The following MS4A13 variants were observed in gnomAD, a reference collection of about 807,000 sequenced individuals.
MS4A13 encodes the protein membrane spanning 4-domains A13.
In MS4A13, 21 loss-of-function variants were observed where a neutral mutation model predicts 18.4. The observed-to-expected ratio is 1.14, with a 90% CI of 0.81 to 1.64. The LOEUF (loss-of-function observed/expected upper bound fraction) is 1.64, where lower values mean the gene tolerates loss of function less well. Ranked by LOEUF, MS4A13 falls within the 40% of genes most tolerant of loss-of-function variation. The pLI is 0.00. For missense variants in MS4A13, 173 were observed against 176.8 expected, an observed-to-expected ratio of 0.98 and a Z score of 0.12; for synonymous variants, 62 against 57.2, an observed-to-expected ratio of 1.08 and a Z score of -0.38.
chr11:60,522,634 C>T (rs1222022616), intron 3 of MS4A13, among the ~76,000 whole-genome samples: 2 of 152,040 alleles, frequency 1.3e-5, no homozygotes, highest in Non-Finnish European at 2.9e-5. Context: ...TCATAAGTGT[C>T]AATGGATTGC....
At chr11:60,524,822 G>T (rs900473443) in intron 4 of MS4A13, among the ~76,000 whole-genome samples, 7 of 151,942 alleles carry the variant, frequency 4.6e-5, no homozygotes, top group African/African-American at 1.7e-4. Flanking sequence ...ACCAAGCCCG[G>T]CTAATTTTTT....
chr11:60,522,035 C>T (rs761002030), intron 3 of MS4A13, among the ~76,000 whole-genome samples: 3 of 152,130 alleles, frequency 2.0e-5, no homozygotes, highest in Non-Finnish European at 4.4e-5. Flanking sequence ...ACCATCAGAT[C>T]TCATAGGACT....
In MS4A13 at chr11:60,542,543, T is replaced by A. The variant is rs776758584; in HGVS notation, c.427T>A (p.Ser143Thr). The change falls in exon 7 of 7, where the codon TCT (serine) becomes ACT (threonine). Residue 143 changes from serine to threonine, a missense_variant. By Grantham distance (58) the Ser-to-Thr change is moderately conservative. Coordinates refer to ENST00000378186, the MANE Select transcript of MS4A13 (RefSeq NM_001012417.3). ...NLFRRQNDLTSVTEEAESTP is the reference protein window; with the variant it reads ...NLFRRQNDLTTVTEEAESTP ...GTTTCGAAGACAAAATGATCTTACA[T>A]CTGTTACTGAGGAAGCTGAGAGCAC... 3.7e-6 allele frequency: 6 copies of A among 1,610,940 alleles called. No individual in the cohort carries two copies. The highest frequency in any genetic ancestry group is 1.3e-5 in the African/African-American group (1 of 74,958).
chr11:60,541,219 T>G (rs912060616), intron 6 of MS4A13, among the ~76,000 whole-genome samples: 2 of 152,216 alleles, frequency 1.3e-5, no homozygotes, highest in Non-Finnish European at 1.5e-5. Flanking sequence ...GGGCATTACC[T>G]ACTAAAAATT....
At chr11:60,524,699 C>G (rs11230358) in intron 4 of MS4A13, among the ~76,000 whole-genome samples, 24,301 of 141,764 alleles carry the variant, frequency 0.17, 2,262 homozygotes, top group East Asian at 0.28. Context: ...GTCTCTCTCT[C>G]TCACCCAGGC....
At chr11:60,529,220 A>G (rs11230363) in intron 5 of MS4A13, 145 bp from the exon 6 acceptor site, 27,679 of 464,334 alleles carry the variant, frequency 0.06, 1,343 homozygotes, top group South Asian at 0.1. Context: ...AAGGAAATCA[A>G]ATGGTGAAAG....
chr11:60,540,566 T>C (rs750939), intron 6 of MS4A13, among the ~76,000 whole-genome samples: 25,038 of 152,128 alleles, frequency 0.16, 2,306 homozygotes, highest in East Asian at 0.28. Context: ...GGTGCTTATT[T>C]AGTGATTAAG....
At chr11:60,517,128 G>A (rs1411837521) in intron 2 of MS4A13, among the ~76,000 whole-genome samples, 3 of 150,294 alleles carry the variant, frequency 2.0e-5, no homozygotes, top group Non-Finnish European at 4.4e-5. Flanking sequence ...AAGGGGAAAC[G>A]TTAAATTCTA....
At chr11:60,520,727 G>A (rs1190571666) in intron 3 of MS4A13, among the ~76,000 whole-genome samples, 1 of 152,170 alleles carries the variant, frequency 6.6e-6, no homozygotes, top group Non-Finnish European at 1.5e-5. Flanking sequence ...GCTTTTCCAG[G>A]CACACGGTGC....
intron 3 of MS4A13, among the ~76,000 whole-genome samples, chr11:60,523,563 A>C (rs1043684974): frequency 6.6e-6 from 1 of 152,232 alleles, no homozygotes; most frequent in Non-Finnish European, 1.5e-5. Flanking sequence ...GATAACATTA[A>C]AAGCAATAAT....
intron 5 of MS4A13, 37 bp from the exon 6 acceptor site, chr11:60,529,328 A>C: frequency 8.3e-7 from 1 of 1,208,130 alleles, no homozygotes; most frequent in Non-Finnish European, 1.2e-6. Flanking sequence ...CACTAAAGAT[A>C]ATAGCATTAA....
At chr11:60,540,467 G>C (rs533916412) in intron 6 of MS4A13, among the ~76,000 whole-genome samples, 2 of 152,130 alleles carry the variant, frequency 1.3e-5, no homozygotes, top group South Asian at 4.2e-4. Context: ...ACAAAGAAAA[G>C]GAAAGGGAAT....
rs188372781 is a variant in MS4A13, at chr11:60,525,118, T to C, written c.187-89T>C. On this transcript the variant is annotated intron_variant, in intron 4 of 6. Coordinates refer to ENST00000378186, the MANE Select transcript of MS4A13 (RefSeq NM_001012417.3). ...GACTTCAGAAACTAGATCAAAGTTT[T>C]AACTAGATGAGTTTTTTCAGCAATG... The C allele has an allele frequency of 6.8e-5, 63 of 932,486 alleles. No homozygotes were observed. The Admixed American group carries it at 7.5e-4, about 11-fold the overall frequency. The allele number at this position is 932,486 out of a possible 1,614,324, so 57.8% of individuals were successfully genotyped here. A position where few individuals can be genotyped will look rare whatever the true frequency, so the allele number is the denominator to read the frequency against.
At chr11:60,541,565 C>T (rs1229099909) in intron 6 of MS4A13, among the ~76,000 whole-genome samples, 1 of 152,028 alleles carries the variant, frequency 6.6e-6, no homozygotes, top group Non-Finnish European at 1.5e-5. Context: ...AAAACTAAAG[C>T]TAACCTATAG....
At chr11:60,526,019 A>G (rs557028652) in intron 5 of MS4A13, among the ~76,000 whole-genome samples, 1 of 152,216 alleles carries the variant, frequency 6.6e-6, no homozygotes, top group South Asian at 2.1e-4. Flanking sequence ...AACAAAACAA[A>G]TAACAATTTC....
chr11:60,538,192 C>G (rs865801262), intron 6 of MS4A13, among the ~76,000 whole-genome samples: 6 of 109,088 alleles, frequency 5.5e-5, no homozygotes, highest in Non-Finnish European at 9.7e-5. Context: ...AAAAAAAAAA[C>G]GAAAAAAAAA....
chr11:60,522,239 G>GATAGATGTATATATATATATCTATAT (rs55942628), intron 3 of MS4A13, among the ~76,000 whole-genome samples: 16,250 of 133,452 alleles, frequency 0.12, 1,123 homozygotes, highest in Middle Eastern at 0.14. Context: ...TAGATAGATA[G>GATAGATGTATATATATATATCTATAT]ATGTATATAT....
Position 60,518,164 on chromosome 11 carries a change from G to T in MS4A13, c.81G>T (p.Thr27=). Residue 27 remains threonine (T), a synonymous_variant, in exon 3 of 7, where the codon ACG becomes ACT. Coordinates refer to ENST00000378186, the MANE Select transcript of MS4A13 (RefSeq NM_001012417.3). ...GACAAATTAAAGGAGCCTTTGGAAC[G>T]TATGAACCTGTAACTTACAAAACAG... ...YMGQIKGAFG[T]YEPVTYKTGC... 6.2e-7 allele frequency: 1 copy of T among 1,611,862 alleles called. No individual in the cohort carries two copies. Among genetic ancestry groups the T allele is most frequent in the African/African-American group, 1.3e-5 (1 of 74,986 alleles).
chr11:60,517,610 G>A (rs980068964), intron 2 of MS4A13, among the ~76,000 whole-genome samples: 1 of 152,034 alleles, frequency 6.6e-6, no homozygotes, highest in African/African-American at 2.4e-5. Flanking sequence ...ACTCCTTGAA[G>A]GAAAAGATAA....
Sources: gnomAD v4.1 joint callset for allele counts (sites outside exome capture counted in the v4.1 genomes callset) on GRCh38, gnomAD v4.1.1 for gene constraint, MANE v1.5 for transcripts, NCBI Gene and HGNC (gene_info 2026-07-23, HGNC 2026-07-21) for gene names.